IQSEC2: variants seen among roughly 807,000 people sequenced by gnomAD.
IQSEC2 encodes IQ motif and SEC7 domain-containing protein 2.
A neutral mutation model predicts 74.6 loss-of-function variants in IQSEC2; 6 were observed. The observed-to-expected ratio is 0.08, with a 90% confidence interval of 0.04 to 0.16. The LOEUF (loss-of-function observed/expected upper bound fraction) is 0.16. IQSEC2 is among the 10% of genes least tolerant of loss of function. IQSEC2 has a pLI of 1.00. For missense variants in IQSEC2, 734 were observed against 1,306.2 expected (o/e 0.56, Z 6.75); for synonymous variants, 494 against 544.5 (o/e 0.91, Z 1.29).
At chrX:53,243,089 C>T (rs1722426864) in intron 9 of IQSEC2, among the ~76,000 whole-genome samples, 1 of 112,136 alleles carries the variant, frequency 8.9e-6, no homozygotes, top group Non-Finnish European at 1.9e-5. Context: ...TGGCTCTTCA[C>T]TTAGGATGGA....
intron 1 of IQSEC2, among the ~76,000 whole-genome samples, chrX:53,317,406 T>C (rs781992349): frequency 1.8e-5 from 2 of 111,227 alleles, no homozygotes; most frequent in African/African-American, 6.5e-5. Context: ...ATGACATGGA[T>C]GGGGGTGGAC....
chrX:53,246,689 C>G (rs1432515061), intron 8 of IQSEC2, among the ~76,000 whole-genome samples: 2 of 112,312 alleles, frequency 1.8e-5, no homozygotes, highest in Non-Finnish European at 3.8e-5. Context: ...ATGAATGAAT[C>G]AGAGTAAAGC....
chrX:53,251,091 C>A lies in IQSEC2; in HGVS notation c.1485G>T (p.Gln495His), dbSNP rs370228504. 12 of 1,210,206 alleles carry A rather than the reference C, an allele frequency of 9.9e-6. No individual in the cohort carries two copies. The highest frequency in any genetic ancestry group is 1.2e-5 in the Non-Finnish European group (11 of 895,227). Residue 495 changes from glutamine (Q) to histidine (H), a missense_variant, in exon 5 of 15, where the codon CAG (glutamine) becomes CAT (histidine). Physicochemically the swap from Gln to His is conservative, Grantham distance 24 (BLOSUM62 0). Around this residue, in one of 12 missense-constraint regions of IQSEC2, gnomAD observed 204 missense variants for 305.4 expected, o/e 0.67. Coordinates refer to ENST00000642864, the MANE Select transcript of IQSEC2 (RefSeq NM_001111125.3). ...GPMSEEPGSA[Q>H]LEKRESKEQQ... ...GTTCCTTTGACTCCCGCTTCTCCAG[C>A]TGGGCTGACCCTGGCTCCTCAGACA...
chrX:53,234,553 G>T lies in IQSEC2; in HGVS notation c.4133C>A (p.Pro1378His). The change falls in exon 15 of 15, where the codon CCT (proline) becomes CAT (histidine). Residue 1378 changes from proline to histidine, a missense_variant. Transcript: ENST00000642864. ...CTTAGGGCCCTGTTTGTGGGCTGGA[G>T]GGTGCTGGGGGGCAGGACTGTACAG... ...LPLYSPAPQH[P>H]PAHKQGPKHF... 9.0e-7 allele frequency: 1 copy of T among 1,106,166 alleles called. No homozygotes were observed. The highest frequency in any genetic ancestry group is 2.3e-5 in the South Asian group (1 of 43,112). 91.2% of individuals were successfully genotyped at this position (1,106,166 alleles called of 1,213,427 possible).
At chrX:53,279,931 GAGGAAGGAAGGA>G (rs3842484) in intron 2 of IQSEC2, among the ~76,000 whole-genome samples, 2 of 32,957 alleles carry the variant, frequency 6.1e-5, no homozygotes, top group African/African-American at 2.5e-4. Context: ...GGGAGGGAGG[GAGGAAGGAAGGA>G]AGGAAGGAAG....
At chrX:53,278,115 C>A (rs1359110125) in intron 2 of IQSEC2, among the ~76,000 whole-genome samples, 2 of 99,108 alleles carry the variant, frequency 2.0e-5, no homozygotes, top group African/African-American at 7.5e-5. Context: ...GGTTCAAGCC[C>A]TTCTCCTGCC....
chrX:53,315,352 T>C (rs960304003), intron 1 of IQSEC2, among the ~76,000 whole-genome samples: 13 of 111,909 alleles, frequency 1.2e-4, no homozygotes, highest in African/African-American at 3.6e-4. Flanking sequence ...GAGTGTGCCA[T>C]TGCACTTCAG....
At chrX:53,227,515 C>T, downstream of IQSEC2, 1 of 300,600 alleles carries the variant, frequency 3.3e-6, no homozygotes, top group Non-Finnish European at 5.8e-6. Flanking sequence ...AGTGGTGGGG[C>T]AGGGCCCAGT....
chrX:53,312,532 A>G (rs782201056), intron 1 of IQSEC2, among the ~76,000 whole-genome samples: 9 of 112,449 alleles, frequency 8.0e-5, no homozygotes, highest in Non-Finnish European at 1.7e-4. Flanking sequence ...GTGAGCTGCC[A>G]CATGGTTTCT....
chrX:53,266,846 C>G, intron 2 of IQSEC2: 1 of 1,076,152 alleles, frequency 9.3e-7, no homozygotes, highest in South Asian at 2.2e-5. Context: ...GCTTGCCCAT[C>G]TGGTTCCTGA....
intron 2 of IQSEC2, among the ~76,000 whole-genome samples, chrX:53,268,387 C>T (rs1184398549): frequency 9.0e-6 from 1 of 111,427 alleles, no homozygotes; most frequent in East Asian, 2.8e-4. Flanking sequence ...CACATTGTTC[C>T]ACGGACTTCC....
At chrX:53,259,311 C>G (rs2074530299) in intron 2 of IQSEC2, among the ~76,000 whole-genome samples, 2 of 109,866 alleles carry the variant, frequency 1.8e-5, no homozygotes, top group African/African-American at 6.6e-5. Context: ...GAAGACCAGC[C>G]TGGGCAACAT....
intron 13 of IQSEC2, 130 bp downstream of exon 13, chrX:53,236,191 AG>A: frequency 1.3e-6 from 1 of 778,796 alleles, no homozygotes; most frequent in Non-Finnish European, 1.9e-6. Context: ...CGCAGCGCCC[AG>A]GGCTCTGGGT....
At chrX:53,225,879 C>G (rs1184488002), downstream of IQSEC2, 2 of 112,480 alleles carry the variant, frequency 1.8e-5, no homozygotes, top group Non-Finnish European at 3.8e-5. Context: ...ATTCTTACCC[C>G]CCAAAAGTCA....
At chrX:53,298,073 T>A (rs1227910755) in intron 1 of IQSEC2, among the ~76,000 whole-genome samples, 1 of 111,594 alleles carries the variant, frequency 9.0e-6, no homozygotes, top group Non-Finnish European at 1.9e-5. Flanking sequence ...GAGGTTGCAG[T>A]GAGCTAAGAT....
chrX:53,228,839 G>A (rs1387546846), downstream of IQSEC2: 1 of 111,810 alleles, frequency 8.9e-6, no homozygotes, highest in African/African-American at 3.3e-5. Context: ...GAGAAATATC[G>A]ATGTCTAGTA....
intron 1 of IQSEC2, among the ~76,000 whole-genome samples, chrX:53,312,142 C>T (rs2075328416): frequency 9.0e-6 from 1 of 111,101 alleles, no homozygotes; most frequent in Non-Finnish European, 1.9e-5. Context: ...TGTGTTTGCT[C>T]ATGCTGGCCC....
At chrX:53,237,719 C>A in intron 12 of IQSEC2, 1 of 182,571 alleles carries the variant, frequency 5.5e-6, no homozygotes, top group Non-Finnish European at 1.1e-5. Context: ...TGGGACATTT[C>A]GGCTACCTTG....
chrX:53,315,783 G>GT (rs1569339346), intron 1 of IQSEC2, among the ~76,000 whole-genome samples: 2 of 112,115 alleles, frequency 1.8e-5, no homozygotes, highest in African/African-American at 6.5e-5. Flanking sequence ...CTCGGTACAC[G>GT]TGTGGCCTCT....
Sources: gnomAD v4.1 joint callset for allele counts (sites outside exome capture counted in the v4.1 genomes callset) on GRCh38, gnomAD v4.1.1 for gene constraint, gnomAD v4.1.1 regional missense constraint, MANE v1.5 for transcripts, NCBI Gene and HGNC (gene_info 2026-07-23, HGNC 2026-07-21) for gene names.